Variants in CACNA1C observed in about 807,000 individuals in gnomAD.
CACNA1C encodes voltage-dependent L-type calcium channel subunit alpha-1C.
CACNA1C carries 30 observed loss-of-function variants against 229.0 expected under a neutral mutation model. The observed-to-expected ratio is 0.13, with a 90% CI of 0.10 to 0.18. The LOEUF (loss-of-function observed/expected upper bound fraction) is 0.18, where lower values mean the gene tolerates loss of function less well. Among genes scored for constraint, CACNA1C ranks in the 10% least tolerant of loss-of-function variants. CACNA1C has a pLI of 1.00. For synonymous variants in CACNA1C, 1,114 were observed against 1,132.5 expected (o/e 0.98, Z 0.33); for missense variants, 1,658 against 2,845.0 (o/e 0.58, Z 9.49).
At chr12:2,293,186 C>G (rs373348524) in intron 3 of CACNA1C, among the ~76,000 whole-genome samples, 2 of 152,174 alleles carry the variant, frequency 1.3e-5, no homozygotes, top group East Asian at 3.9e-4. Context: ...AACGGTAACA[C>G]TTTTAAATCT....
chr12:2,056,521 CAT>C (rs3831597), intron 1 of CACNA1C, among the ~76,000 whole-genome samples: 2,028 of 152,252 alleles, frequency 0.013, 41 homozygotes, highest in African/African-American at 0.036. Flanking sequence ...AGGGGAGAAA[CAT>C]GTGTTTGGGG....
intron 29 of CACNA1C, 164 bp downstream of exon 29, chr12:2,612,177 A>G (rs1289344433): frequency 2.9e-5 from 17 of 587,990 alleles, no homozygotes; most frequent in Non-Finnish European, 4.3e-5. Flanking sequence ...ACACCTGCCC[A>G]GAGCTGAACC....
chr12:2,682,777 CAGG>C (rs1386596289), intron 43 of CACNA1C, 99 bp downstream of exon 43: 19 of 1,208,026 alleles, frequency 1.6e-5, no homozygotes, highest in East Asian at 2.7e-5. Context: ...GGGCTGATTG[CAGG>C]AGGAGAGGAG....
chr12:2,326,682 GGCCCA>G (rs1170441859), intron 3 of CACNA1C, among the ~76,000 whole-genome samples: 1 of 152,144 alleles, frequency 6.6e-6, no homozygotes, highest in African/African-American at 2.4e-5. Context: ...TGGCCTTGAG[GGCCCA>G]GCCTGTATTT....
At chr12:2,085,588 G>A (rs954029555) in intron 1 of CACNA1C, among the ~76,000 whole-genome samples, 18 of 152,104 alleles carry the variant, frequency 1.2e-4, no homozygotes, top group Admixed American at 6.5e-4. Flanking sequence ...ACCCTTAGCT[G>A]TTCTAAGAGA....
chr12:2,666,839 C>A lies in CACNA1C; in HGVS notation c.4623+57C>A. 9.8e-7 allele frequency: 1 copy of A among 1,015,430 alleles called. No individual in the cohort carries two copies. Among genetic ancestry groups the A allele is most frequent in the South Asian group, 1.4e-5 (1 of 73,466 alleles). The allele number at this position is 1,015,430 out of a possible 1,614,324, so 62.9% of individuals were successfully genotyped here. A position where few individuals can be genotyped will look rare whatever the true frequency, so the allele number is the denominator to read the frequency against. ...GGGAAAATAGGGGAAGTGAAGTGCCCATTTCTTGTGATCCTTTAAGGGAAT... is the reference window on the plus strand; with the variant it reads ...GGGAAAATAGGGGAAGTGAAGTGCCAATTTCTTGTGATCCTTTAAGGGAAT... On this transcript the variant is annotated intron_variant, in intron 37 of 46. Transcript: ENST00000399655. This position sits in a 1 kb window ranked among gnomAD's most constrained non-coding sequence, Gnocchi z 5.3.
chr12:2,161,324 C>T (rs2095843941), intron 3 of CACNA1C, among the ~76,000 whole-genome samples: 1 of 152,162 alleles, frequency 6.6e-6, no homozygotes, highest in Non-Finnish European at 1.5e-5. Flanking sequence ...TTAGTTATTC[C>T]TGGGGTTTGT....
intron 3 of CACNA1C, among the ~76,000 whole-genome samples, chr12:2,386,147 A>G (rs1180282187): frequency 2.6e-5 from 4 of 152,210 alleles, no homozygotes; most frequent in African/African-American, 9.7e-5. Context: ...CTCTGCAGTC[A>G]GTGACATCCC....
intron 1 of CACNA1C, among the ~76,000 whole-genome samples, chr12:1,987,564 G>A (rs564533716): frequency 2.0e-5 from 3 of 152,104 alleles, no homozygotes; most frequent in South Asian, 2.1e-4. Context: ...TTACATCTAC[G>A]ACAGTTCTTT....
chr12:2,156,556 A>G (rs571539637), intron 3 of CACNA1C, among the ~76,000 whole-genome samples: 6 of 152,356 alleles, frequency 3.9e-5, no homozygotes, highest in African/African-American at 1.4e-4. Context: ...GGCCTTAACA[A>G]CCATACAGCT....
At chr12:2,262,119 G>C (rs1045369050) in intron 3 of CACNA1C, among the ~76,000 whole-genome samples, 1 of 152,230 alleles carries the variant, frequency 6.6e-6, no homozygotes, top group Admixed American at 6.5e-5. Context: ...AGGACTCACA[G>C]TTGCTGGGGC....
rs573835227 is a variant in CACNA1C at position 2,492,757 on chromosome 12, A to G, written c.917-433A>G. Among the ~76,000 whole-genome samples the G allele has an allele frequency of 2.0e-5, 3 of 152,370 alleles. No individual in the cohort carries two copies. The South Asian group carries it at 6.2e-4, about 32-fold the overall frequency. On this transcript the variant is annotated intron_variant, in intron 6 of 46. Transcript: ENST00000399655. ...TCCTTACCCTAAATTCTGGTATTCC[A>G]ATACAAGTGTCTATAGAACTCTACC...
rs566253729 is a variant in CACNA1C at position 2,473,377 on chromosome 12, C to T, written c.758-12727C>T. Among the ~76,000 whole-genome samples the T allele has an allele frequency of 2.0e-5, 3 of 152,322 alleles. No homozygotes were observed. The East Asian group carries it at 5.8e-4, about 29-fold the overall frequency. ...CAACCTGATTTCTGCCTTCTCAATT[C>T]CATGGGGCTGCAGTGTTGTGCTTGA... On this transcript the variant is annotated intron_variant, in intron 5 of 46. Transcript: ENST00000399655.
chr12:2,523,111 G>A (rs1256910325), intron 9 of CACNA1C, among the ~76,000 whole-genome samples: 1 of 130,514 alleles, frequency 7.7e-6, no homozygotes, highest in African/African-American at 2.8e-5. Context: ...CAGGTGGACG[G>A]AGAAAGGAGG....
At chr12:2,289,998 TTAG>T (rs1325678652) in intron 3 of CACNA1C, among the ~76,000 whole-genome samples, 4 of 152,188 alleles carry the variant, frequency 2.6e-5, no homozygotes, top group Admixed American at 2.6e-4. Context: ...GCACAGCTAG[TTAG>T]TAATAAAGCT....
intron 3 of CACNA1C, among the ~76,000 whole-genome samples, chr12:2,212,507 C>T (rs1164470761): frequency 6.6e-6 from 1 of 152,330 alleles, no homozygotes; most frequent in South Asian, 2.1e-4. Flanking sequence ...TAAAGCATGA[C>T]ACCTGCATAC....
chr12:2,223,412 A>T (rs1213765444), intron 3 of CACNA1C: 1 of 152,196 alleles, frequency 6.6e-6, no homozygotes, highest in Non-Finnish European at 1.5e-5. Context: ...GCCTGGTTGG[A>T]AAGAATGCTG....
chr12:2,549,125 A>G (rs1429330989), intron 9 of CACNA1C, among the ~76,000 whole-genome samples: 1 of 152,160 alleles, frequency 6.6e-6, no homozygotes, highest in African/African-American at 2.4e-5. Context: ...GAAAACTCCC[A>G]TTGTTCTGGA....
chr12:2,005,174 G>T (rs930729536), intron 1 of CACNA1C, among the ~76,000 whole-genome samples: 12 of 151,872 alleles, frequency 7.9e-5, no homozygotes, highest in Non-Finnish European at 1.3e-4. Flanking sequence ...AAGGTAGAGA[G>T]CCAGTGTCAC....
Sources: gnomAD v4.1 joint callset for allele counts (sites outside exome capture counted in the v4.1 genomes callset) on GRCh38, gnomAD v4.1.1 for gene constraint, Gnocchi (gnomAD v3.1) non-coding constraint, MANE v1.5 for transcripts, NCBI Gene and HGNC (gene_info 2026-07-23, HGNC 2026-07-21) for gene names.